Variants in SLC35A1 observed in about 807,000 individuals in gnomAD.
SLC35A1 encodes CMP-sialic acid transporter.
In SLC35A1, 21 loss-of-function variants were observed where a neutral mutation model predicts 40.3. The observed-to-expected ratio is 0.52, with a 90% CI of 0.37 to 0.75. SLC35A1 has a LOEUF of 0.75. SLC35A1 is among the 30% of genes least tolerant of loss of function. The pLI is 0.00. For synonymous variants in SLC35A1, 146 were observed against 147.3 expected, an observed-to-expected ratio of 0.99 and a Z score of 0.06; for missense variants, 297 against 382.1, an observed-to-expected ratio of 0.78 and a Z score of 1.86.
intron 6 of SLC35A1, 40 bp downstream of exon 6, chr6:87,508,636 ATTTT>A: frequency 6.9e-7 from 1 of 1,441,692 alleles, no homozygotes; most frequent in Non-Finnish European, 9.5e-7. Context: ...TAGATCCTTT[ATTTT>A]TTTTTTAAGT....
At chr6:87,479,388 G>A (rs1338570393) in intron 2 of SLC35A1, among the ~76,000 whole-genome samples, 2 of 152,122 alleles carry the variant, frequency 1.3e-5, no homozygotes, top group African/African-American at 2.4e-5. Context: ...CACAGCACCC[G>A]ACAAGAATAA....
At chr6:87,500,439 T>A in intron 2 of SLC35A1, 69 bp from the exon 3 acceptor site, 2 of 1,484,752 alleles carry the variant, frequency 1.3e-6, no homozygotes, top group Non-Finnish European at 9.4e-7. Context: ...TTTGAAGAAG[T>A]CTTATTAAAA....
chr6:87,490,335 ATT>A (rs55804456), intron 2 of SLC35A1, among the ~76,000 whole-genome samples: 4 of 138,334 alleles, frequency 2.9e-5, no homozygotes, highest in Non-Finnish European at 3.1e-5. Context: ...TATTGTCATC[ATT>A]TTTTTTTTTT....
chr6:87,510,932 A>G (rs1770246518), intron 7 of SLC35A1, among the ~76,000 whole-genome samples: 1 of 152,024 alleles, frequency 6.6e-6, no homozygotes, highest in African/African-American at 2.4e-5. Flanking sequence ...TATTCAGTAA[A>G]TTATCGCCTC....
chr6:87,508,625 G>T, intron 6 of SLC35A1, 29 bp downstream of exon 6: 1 of 1,561,836 alleles, frequency 6.4e-7, no homozygotes. Context: ...AAGGTTCTTA[G>T]TAGATCCTTT....
intron 2 of SLC35A1, among the ~76,000 whole-genome samples, chr6:87,495,678 CAG>C (rs1012240871): frequency 6.7e-6 from 1 of 148,832 alleles, no homozygotes; most frequent in Non-Finnish European, 1.5e-5. Context: ...TTTTTTGAGA[CAG>C]AGTCTAGCTC....
In SLC35A1 at chr6:87,477,404, T is replaced by A. The variant is rs1188939897; in HGVS notation, c.59T>A (p.Met20Lys). The A allele has an allele frequency of 1.9e-6, 3 of 1,613,880 alleles. No individual in the cohort carries two copies. In the African/African-American group the frequency reaches 4.0e-5, roughly 22 times the overall value. The change falls in exon 2 of 8, where the codon ATG becomes AAG. Residue 20 changes from methionine (M) to lysine (K), a missense_variant. Transcript: ENST00000369552. ...LLFKLYCLAV[M>K]TLMAAVYTIA... ...TTCAAGTTATACTGCTTGGCAGTGA[T>A]GACCCTGATGGCTGCAGTCTATACC...
At position 87,501,281 on chromosome 6, in the gene SLC35A1, T is replaced by C. The variant is rs749042627; in HGVS notation, c.478T>C (p.Trp160Arg). Reference sequence around the variant, plus strand: ...GTGTGCTGGAGTTACGCTTGTACAGTGGAAACCAGCCCAAGCTACAAAAGT... The same window carrying C: ...GTGTGCTGGAGTTACGCTTGTACAGCGGAAACCAGCCCAAGCTACAAAAGT... ...MLCAGVTLVQ[W>R]KPAQATKVVV... is the part of the protein sequence containing the mutation. The change falls in exon 4 of 8, where the codon TGG (tryptophan) becomes CGG (arginine). Residue 160 changes from tryptophan (W) to arginine (R), a missense_variant. Trp to Arg is a moderately radical substitution (Grantham distance 101, BLOSUM62 -3). Transcript: ENST00000369552. 1.2e-6 allele frequency: 2 copies of C among 1,614,068 alleles called. No individual in the cohort carries two copies. The highest frequency in any genetic ancestry group is 8.5e-7 in the Non-Finnish European group (1 of 1,179,978).
At chr6:87,498,540 G>A (rs552218946) in intron 2 of SLC35A1, among the ~76,000 whole-genome samples, 5 of 152,178 alleles carry the variant, frequency 3.3e-5, no homozygotes, top group Admixed American at 6.6e-5. Context: ...TTGGGAGGCC[G>A]AGGCAGGAGG....
In SLC35A1 at chr6:87,496,800, A is replaced by AAAAC. The variant is rs1456021519; in HGVS notation, c.195-3708_195-3707insAAAC. On this transcript the variant is annotated intron_variant, in intron 2 of 7. Transcript: ENST00000369552. ...ATCTCAAAAAAAAAAAAAAAGAAAA[A>AAAAC]CCCACCAAAACAGAAAATATAAGTT... Among the ~76,000 whole-genome samples the AAAAC allele has an allele frequency of 3.2e-3, 476 of 150,230 alleles. 9 individuals carry two copies. The highest frequency in any genetic ancestry group is 8.8e-3 in the African/African-American group (362 of 40,982).
In SLC35A1 at chr6:87,508,605, C is replaced by T. The variant is rs779752365; in HGVS notation, c.751+9C>T. On this transcript the variant is annotated intron_variant, in intron 6 of 7. Coordinates refer to ENST00000369552, the MANE Select transcript of SLC35A1 (RefSeq NM_006416.5). ...TGTCTGGTTTGTCATCTGTAAGTAT[C>T]CAGGAATTAAAGGTTCTTAGTAGAT... is the stretch of plus-strand genomic sequence containing the variant. The T allele has an allele frequency of 6.2e-7, 1 of 1,606,372 alleles. No homozygotes were observed. The highest frequency in any genetic ancestry group is 8.5e-7 in the Non-Finnish European group (1 of 1,175,264).
intron 4 of SLC35A1, among the ~76,000 whole-genome samples, chr6:87,502,011 T>A (rs1466109537): frequency 6.6e-6 from 1 of 152,152 alleles, no homozygotes; most frequent in Non-Finnish European, 1.5e-5. Flanking sequence ...TTCCTACAGT[T>A]GAATATTTAC....
At chr6:87,475,397 AT>A (rs1257840554) in intron 1 of SLC35A1, among the ~76,000 whole-genome samples, 1 of 152,196 alleles carries the variant, frequency 6.6e-6, no homozygotes, top group African/African-American at 2.4e-5. Flanking sequence ...ATTGCTGTAT[AT>A]TTTTGAAGTC....
At chr6:87,507,413 A>G (rs1182985102) in intron 5 of SLC35A1, among the ~76,000 whole-genome samples, 1 of 152,174 alleles carries the variant, frequency 6.6e-6, no homozygotes, top group African/African-American at 2.4e-5. Flanking sequence ...GAACAGTTAA[A>G]TGATTATGTC....
At chr6:87,505,035 T>A (rs1770035550) in intron 4 of SLC35A1, among the ~76,000 whole-genome samples, 1 of 152,196 alleles carries the variant, frequency 6.6e-6, no homozygotes, top group Non-Finnish European at 1.5e-5. Context: ...GTTCAGTAGG[T>A]CTGGGGTAGA....
chr6:87,506,463 C>A lies in SLC35A1; in HGVS notation c.574+15C>A, dbSNP rs1193268432. 3 of 1,606,262 alleles carry A rather than the reference C, an allele frequency of 1.9e-6. No individual in the cohort carries two copies. The highest frequency in any genetic ancestry group is 2.2e-5 in the East Asian group (1 of 44,756). On this transcript the variant is annotated intron_variant, in intron 5 of 7. Coordinates refer to ENST00000369552, the MANE Select transcript of SLC35A1 (RefSeq NM_006416.5). ...AGGATTTGCAGGTAAATCATGAAAG[C>A]ATTGTTTTATTCTTTTGTCATATTT...
intron 4 of SLC35A1, among the ~76,000 whole-genome samples, chr6:87,503,763 A>T (rs1284176093): frequency 6.6e-6 from 1 of 152,112 alleles, no homozygotes; most frequent in Admixed American, 6.5e-5. Context: ...TTTTTGCCAA[A>T]CATTATCTCT....
rs72922510 is a variant in SLC35A1 at position 87,474,611 on chromosome 6, A to G, written c.16+1592A>G. ...TTACCCTGAAATAATTGAAATTGCT[A>G]ATAACTGAAGTTTTATACTGGAGAA... On this transcript the variant is annotated intron_variant, in intron 1 of 7. Coordinates refer to ENST00000369552, the MANE Select transcript of SLC35A1 (RefSeq NM_006416.5). Among the ~76,000 whole-genome samples, 311 of 152,346 alleles carry G rather than the reference A, an allele frequency of 2.0e-3. 2 individuals are homozygous for G. The highest frequency in any genetic ancestry group is 3.2e-3 in the Non-Finnish European group (219 of 68,028).
intron 1 of SLC35A1, among the ~76,000 whole-genome samples, chr6:87,474,147 A>C (rs1039472286): frequency 6.6e-6 from 1 of 152,246 alleles, no homozygotes; most frequent in Non-Finnish European, 1.5e-5. Context: ...TCCGAACGAA[A>C]ACTTATAAAT....
Sources: gnomAD v4.1 joint callset for allele counts (sites outside exome capture counted in the v4.1 genomes callset) on GRCh38, gnomAD v4.1.1 for gene constraint, MANE v1.5 for transcripts, NCBI Gene and HGNC (gene_info 2026-07-23, HGNC 2026-07-21) for gene names.